LDB3: variants seen among roughly 807,000 people sequenced by gnomAD.
LDB3 encodes the protein LIM domain binding 3, also known as LIM domain-binding protein 3.
In LDB3, 49 loss-of-function variants were observed where a neutral mutation model predicts 69.0. The ratio of observed to expected loss-of-function variants is 0.71; its 90% confidence interval spans 0.56 to 0.90. The LOEUF (loss-of-function observed/expected upper bound fraction) is 0.90. Among genes scored for constraint, LDB3 ranks in the 40% least tolerant of loss-of-function variants. The probability of loss-of-function intolerance (pLI) is 0.00; values close to 1 mark genes in which losing one functional copy is unlikely to be tolerated. For missense variants in LDB3, 928 were observed against 974.1 expected, an observed-to-expected ratio of 0.95 and a Z score of 0.63; for synonymous variants, 387 against 396.2, an observed-to-expected ratio of 0.98 and a Z score of 0.28.
chr10:86,728,645 C>T (rs1205981547), intron 13 of LDB3, among the ~76,000 whole-genome samples: 1 of 141,898 alleles, frequency 7.0e-6, no homozygotes, highest in Non-Finnish European at 1.5e-5. Flanking sequence ...TGCAGTGGTG[C>T]GATCTTGGCT....
At chr10:86,730,832 A>G (rs955655720) in intron 13 of LDB3, among the ~76,000 whole-genome samples, 1 of 152,154 alleles carries the variant, frequency 6.6e-6, no homozygotes, top group Non-Finnish European at 1.5e-5. Context: ...GCCTCAGACT[A>G]TATGTTGTCA....
chr10:86,686,806 C>CAA lies in LDB3; in HGVS notation c.689+5017_689+5018dup, dbSNP rs3086887. 0.56 allele frequency among the ~76,000 whole-genome samples: 74,202 copies of CAA among 132,438 alleles called. 21,211 individuals carry two copies. Among genetic ancestry groups the CAA allele is most frequent in the Middle Eastern group, 0.64 (162 of 252 alleles). 86.9% of individuals were successfully genotyped at this position (132,438 alleles called of 152,430 possible). On this transcript the variant is annotated intron_variant, in intron 5 of 13. Coordinates refer to ENST00000361373, the MANE Select transcript of LDB3 (RefSeq NM_007078.3). ...TGGGCGACAAAGCGAGACCCTGTAT[C>CAA]AAAAAAAAAAAAAAAGAAAGAAAAA...
chr10:86,716,821 T>C, intron 10 of LDB3, 50 bp downstream of exon 10: 1 of 1,546,170 alleles, frequency 6.5e-7, no homozygotes, highest in Non-Finnish European at 8.8e-7. Context: ...GGCGTGTGTG[T>C]GGGGTGCTTG....
chr10:86,670,798 C>T (rs1346332756), intron 2 of LDB3, among the ~76,000 whole-genome samples: 1 of 152,244 alleles, frequency 6.6e-6, no homozygotes, highest in Non-Finnish European at 1.5e-5. Context: ...CCCCAAATCA[C>T]CTAAGCCGCG....
Position 86,718,001 on chromosome 10 carries a change from C to A in LDB3, c.1714C>A (p.Pro572Thr), listed in dbSNP as rs761579295. 6 of 1,614,120 alleles carry A rather than the reference C, an allele frequency of 3.7e-6. No individual in the cohort carries two copies. The highest frequency in any genetic ancestry group is 1.6e-4 in the Middle Eastern group (1 of 6,062). ...GGTAGCCATGGGCCGTTCTTGGCAC[C>A]CTGAAGAGTTCACCTGTGCCTACTG... Reference protein sequence around the residue: ...FLVAMGRSWHPEEFTCAYCKT... With the variant: ...FLVAMGRSWHTEEFTCAYCKT... Residue 572 changes from proline to threonine, a missense_variant, in exon 11 of 14, where the codon CCT (proline) becomes ACT (threonine). Physicochemically the swap from Pro to Thr is conservative, Grantham distance 38. Transcript: ENST00000361373.
intron 5 of LDB3, 53 bp downstream of exon 5, chr10:86,681,856 C>T (rs1020443599): frequency 1.1e-5 from 16 of 1,517,302 alleles, no homozygotes; most frequent in Middle Eastern, 1.8e-4. Context: ...CCTGGGTCCT[C>T]GGTGCTCGGC....
At position 86,732,967 on chromosome 10, in the gene LDB3, C is replaced by T. The variant is rs1413752114; in HGVS notation, c.2175C>T (p.Ile725=). ...RPLCKKHAHT[I]NL ...TGTGCAAGAAGCACGCACACACCAT[C>T]AACTTGTAGGCGGCCAAGGCCGCCT... Residue 725 remains isoleucine, a synonymous_variant, in exon 14 of 14, where the codon ATC becomes ATT. Coordinates refer to ENST00000361373, the MANE Select transcript of LDB3 (RefSeq NM_007078.3). The T allele has an allele frequency of 2.5e-6, 4 of 1,613,268 alleles. No homozygotes were observed. The highest frequency in any genetic ancestry group is 1.7e-5 in the Admixed American group (1 of 59,952).
intron 9 of LDB3, among the ~76,000 whole-genome samples, chr10:86,714,310 A>G (rs993131532): frequency 7.2e-5 from 11 of 152,132 alleles, no homozygotes; most frequent in Admixed American, 3.9e-4. Context: ...CATGTTGAAA[A>G]TGACTCCTCC....
At chr10:86,722,463 T>C (rs563255891) in intron 12 of LDB3, among the ~76,000 whole-genome samples, 128 of 151,838 alleles carry the variant, frequency 8.4e-4, no homozygotes, top group African/African-American at 3.0e-3. Flanking sequence ...GGTTTCACCA[T>C]GTTAGCCAGG....
intron 11 of LDB3, 44 bp from the exon 12 acceptor site, chr10:86,718,683 C>A (rs1198830298): frequency 2.5e-6 from 4 of 1,613,866 alleles, no homozygotes; most frequent in Non-Finnish European, 3.4e-6. Flanking sequence ...GTCAAGCCCG[C>A]TCCCTCTCTC....
At chr10:86,677,715 G>A (rs1432257923) in intron 2 of LDB3, among the ~76,000 whole-genome samples, 1 of 152,174 alleles carries the variant, frequency 6.6e-6, no homozygotes, top group Admixed American at 6.5e-5. Flanking sequence ...CCCCGCACCT[G>A]CACCCTGCCT....
chr10:86,708,656 G>T lies in LDB3; in HGVS notation c.1086-1249G>T, dbSNP rs145765269. The stretch of plus-strand genomic sequence containing the variant: ...AATCTATCCAGAGAAGGGCAGGTGG[G>T]CCTGGGGAGGGGAGACAATAGCTTC... On this transcript the variant is annotated intron_variant, in intron 8 of 13. Transcript: ENST00000361373. Among the ~76,000 whole-genome samples, 3 of 152,340 alleles carry T rather than the reference G, an allele frequency of 2.0e-5. No individual in the cohort carries two copies. In the East Asian group the frequency reaches 5.8e-4, roughly 29 times the overall value.
Position 86,699,628 on chromosome 10 carries a change from C to T in LDB3, c.897-6903C>T, listed in dbSNP as rs1846170958. ...GCCACCCCCCAAATAGCCCGTAGCC[C>T]AATCCCCTGCCCTCTGCACAGGGCC... On this transcript the variant is annotated intron_variant, in intron 7 of 13. Transcript: ENST00000361373. The surrounding 1 kb of genome is among the most constrained non-coding windows in gnomAD (Gnocchi z 4.9). 7.3e-7 allele frequency: 1 copy of T among 1,362,102 alleles called. No individual in the cohort carries two copies. The highest frequency in any genetic ancestry group is 9.5e-7 in the Non-Finnish European group (1 of 1,052,330). The allele number at this position is 1,362,102 out of a possible 1,614,324, so 84.4% of individuals were successfully genotyped here. A position where few individuals can be genotyped will look rare whatever the true frequency, so the allele number is the denominator to read the frequency against.
chr10:86,718,905 C>G, intron 12 of LDB3, 58 bp downstream of exon 12: 1 of 1,607,302 alleles, frequency 6.2e-7, no homozygotes. Flanking sequence ...AAGGGGCAGG[C>G]ACAGGGAACT....
chr10:86,730,661 C>T (rs1847422860), intron 13 of LDB3, among the ~76,000 whole-genome samples: 1 of 152,158 alleles, frequency 6.6e-6, no homozygotes, highest in South Asian at 2.1e-4. Context: ...CCCTCTGAGC[C>T]CCAGTTTTTT....
chr10:86,678,053 T>G (rs1395506095), intron 2 of LDB3, among the ~76,000 whole-genome samples: 2 of 152,140 alleles, frequency 1.3e-5, no homozygotes, highest in African/African-American at 2.4e-5. Flanking sequence ...GTTTGTTTGT[T>G]TTTAGACAGA....
At chr10:86,687,754 C>G (rs1259513699) in intron 5 of LDB3, among the ~76,000 whole-genome samples, 8 of 152,252 alleles carry the variant, frequency 5.3e-5, no homozygotes, top group African/African-American at 1.4e-4. Flanking sequence ...TGCTGGCAAT[C>G]AGTCCCACAG....
intron 12 of LDB3, among the ~76,000 whole-genome samples, chr10:86,724,167 CA>C (rs982962862): frequency 7.2e-5 from 11 of 152,044 alleles, no homozygotes; most frequent in African/African-American, 2.2e-4. Flanking sequence ...AAAAATTAGC[CA>C]GGCGTGGTGG....
At chr10:86,712,878 T>C (rs1846719636) in intron 9 of LDB3, among the ~76,000 whole-genome samples, 1 of 151,936 alleles carries the variant, frequency 6.6e-6, no homozygotes, top group Non-Finnish European at 1.5e-5. Context: ...GGTAACACGG[T>C]GAAACCCCGT....
Sources: gnomAD v4.1 joint callset for allele counts (sites outside exome capture counted in the v4.1 genomes callset) on GRCh38, gnomAD v4.1.1 for gene constraint, Gnocchi (gnomAD v3.1) non-coding constraint, MANE v1.5 for transcripts, NCBI Gene and HGNC (gene_info 2026-07-23, HGNC 2026-07-21) for gene names.